ITK: variants seen among roughly 807,000 people sequenced by gnomAD.
ITK encodes the protein IL2 inducible T cell kinase.
In ITK, 45 loss-of-function variants were observed where a neutral mutation model predicts 87.6. The observed-to-expected ratio is 0.51, with a 90% confidence interval of 0.40 to 0.66. The LOEUF is 0.66. Among genes scored for constraint, ITK ranks in the 30% least tolerant of loss-of-function variants. The pLI is 0.00. For synonymous variants in ITK, 303 were observed against 273.6 expected (o/e 1.11, Z -1.06); for missense variants, 605 against 766.3 (o/e 0.79, Z 2.48).
At chr5:157,198,484 C>G (rs1188026578) in intron 1 of ITK, among the ~76,000 whole-genome samples, 1 of 152,080 alleles carries the variant, frequency 6.6e-6, no homozygotes, top group Non-Finnish European at 1.5e-5. Context: ...AGCCAGCCAA[C>G]GGTGGGCCAG....
chr5:157,232,300 T>C, intron 7 of ITK, 40 bp from the exon 8 acceptor site: 1 of 1,383,374 alleles, frequency 7.2e-7, no homozygotes, highest in Non-Finnish European at 1.0e-6. Context: ...AATGAAACTT[T>C]AAAATATGTC....
chr5:157,197,932 A>T (rs1283903787), intron 1 of ITK, among the ~76,000 whole-genome samples: 4 of 152,180 alleles, frequency 2.6e-5, no homozygotes, highest in African/African-American at 7.2e-5. Flanking sequence ...GATCAGGGAA[A>T]TGTATTTATT....
chr5:157,205,789 G>C (rs1275011640), intron 1 of ITK, among the ~76,000 whole-genome samples: 3 of 152,034 alleles, frequency 2.0e-5, no homozygotes, highest in South Asian at 2.1e-4. Flanking sequence ...TTAATATCTA[G>C]TTTATTGATA....
rs1371196988 is a variant in ITK, at chr5:157,247,820, G to A, written c.1634-1030G>A. On this transcript the variant is annotated intron_variant, in intron 15 of 16. Coordinates refer to ENST00000422843, the MANE Select transcript of ITK (RefSeq NM_005546.4). ...GCCCTAATTAGCAGTGTGCTATTCA[G>A]AACAAGTCAACCTCTTTGTACTTTG... 2.0e-5 allele frequency among the ~76,000 whole-genome samples: 3 copies of A among 152,200 alleles called. No homozygotes were observed. In the East Asian group the frequency reaches 5.8e-4, roughly 29 times the overall value.
In ITK at chr5:157,252,627, C is replaced by G. The variant is rs769558375; in HGVS notation, c.1812C>G (p.Ala604=). The G allele has an allele frequency of 6.2e-7, 1 of 1,614,098 alleles. No individual in the cohort carries two copies. Among genetic ancestry groups the G allele is most frequent in the East Asian group, 2.2e-5 (1 of 44,886 alleles). The change falls in exon 17 of 17, where the codon GCC becomes GCG. Residue 604 remains alanine (A), a synonymous_variant. Coordinates refer to ENST00000422843, the MANE Select transcript of ITK (RefSeq NM_005546.4). Reference sequence around the variant, plus strand: ...TCCAGAGACCAGAAGATCGGCCAGCCTTCTCCAGACTGCTGCGTCAACTGG... The same window carrying G: ...TCCAGAGACCAGAAGATCGGCCAGCGTTCTCCAGACTGCTGCGTCAACTGG... ...CWKERPEDRP[A]FSRLLRQLAE... is the part of the protein sequence containing the mutation.
intron 16 of ITK, 46 bp downstream of exon 16, chr5:157,249,053 A>C: frequency 6.5e-7 from 1 of 1,545,820 alleles, no homozygotes; most frequent in East Asian, 2.2e-5. Context: ...ATACAATTTG[A>C]GGACCTCCCT....
rs1227714166 is a variant in ITK, at chr5:157,241,659, A to T, written c.999A>T (p.Arg333=). 6.2e-7 allele frequency: 1 copy of T among 1,613,832 alleles called. No individual in the cohort carries two copies. The highest frequency in any genetic ancestry group is 8.5e-7 in the Non-Finnish European group (1 of 1,179,850). ...HQHNGGGLVT[R]LRYPVCFGRQ... ...CAATCAACCCAGGCCTGGTGACTCG[A>T]CTCCGGTATCCAGTTTGTTTTGGGA... The change falls in exon 11 of 17, where the codon CGA becomes CGT. Residue 333 remains arginine, a synonymous_variant. Transcript: ENST00000422843.
At chr5:157,248,828 C>T (rs1403634465) in intron 15 of ITK, 22 bp from the exon 16 acceptor site, 4 of 1,613,692 alleles carry the variant, frequency 2.5e-6, no homozygotes, top group Non-Finnish European at 3.4e-6. Context: ...ATTCACTGTG[C>T]TGTGCTCACC....
At chr5:157,232,600 AGGGAGGGAGGG>A (rs1481105952) in intron 8 of ITK, among the ~76,000 whole-genome samples, 3 of 58,218 alleles carry the variant, frequency 5.2e-5, no homozygotes, top group African/African-American at 2.9e-4. Flanking sequence ...AGAGGAAGGG[AGGGAGGGAGGG>A]AGGGAAGAAA....
chr5:157,199,940 T>A (rs1476872492), intron 1 of ITK, among the ~76,000 whole-genome samples: 1 of 152,198 alleles, frequency 6.6e-6, no homozygotes, highest in Non-Finnish European at 1.5e-5. Context: ...GGAAACCTGA[T>A]GCTGACCCAT....
chr5:157,220,677 A>G (rs953444736), intron 5 of ITK, among the ~76,000 whole-genome samples: 3 of 152,174 alleles, frequency 2.0e-5, no homozygotes, highest in African/African-American at 7.2e-5. Context: ...CCACAGACTC[A>G]GTTTCTCCAA....
At position 157,243,510 on chromosome 5, in the gene ITK, A is replaced by T. The variant is rs570289691; in HGVS notation, c.1061-113A>T. On this transcript the variant is annotated intron_variant, in intron 11 of 16. Coordinates refer to ENST00000422843, the MANE Select transcript of ITK (RefSeq NM_005546.4). ...AAAGATAATTTATTTGCCATCTTTG[A>T]ATTATATTAACAATAGGCTAAAATT... 2.4e-5 allele frequency: 21 copies of T among 864,528 alleles called. No individual in the cohort carries two copies. The East Asian group carries it at 4.8e-4, about 20-fold the overall frequency. 53.6% of individuals were successfully genotyped at this position (864,528 alleles called of 1,614,324 possible).
intron 2 of ITK, among the ~76,000 whole-genome samples, chr5:157,210,882 A>C (rs1754177841): frequency 6.6e-6 from 1 of 151,898 alleles, no homozygotes; most frequent in African/African-American, 2.4e-5. Context: ...ACTTCTTGTG[A>C]GTCTTAAACT....
chr5:157,231,919 C>A (rs1352600257), intron 7 of ITK, among the ~76,000 whole-genome samples: 4 of 152,188 alleles, frequency 2.6e-5, no homozygotes, highest in Non-Finnish European at 5.9e-5. Flanking sequence ...CTAGCACCCT[C>A]CTCCTTATAA....
intron 1 of ITK, among the ~76,000 whole-genome samples, chr5:157,201,423 G>A (rs964543831): frequency 6.7e-5 from 10 of 149,520 alleles, no homozygotes; most frequent in East Asian, 6.0e-4. Flanking sequence ...TCAGCCTCCC[G>A]AGCAGCTGGG....
intron 6 of ITK, among the ~76,000 whole-genome samples, chr5:157,224,922 A>G (rs574398009): frequency 6.6e-5 from 10 of 151,842 alleles, no homozygotes; most frequent in Non-Finnish European, 1.3e-4. Flanking sequence ...TTTAATGAAG[A>G]TCTTGTATTC....
chr5:157,239,120 C>A (rs1474396235), intron 9 of ITK, among the ~76,000 whole-genome samples: 1 of 152,006 alleles, frequency 6.6e-6, no homozygotes, highest in Non-Finnish European at 1.5e-5. Flanking sequence ...ACAGGTATGA[C>A]GGAGAAGGGA....
intron 7 of ITK, among the ~76,000 whole-genome samples, chr5:157,228,800 A>T (rs1372973907): frequency 6.6e-6 from 1 of 152,038 alleles, no homozygotes; most frequent in African/African-American, 2.4e-5. Context: ...GCTAATTTGT[A>T]AATTTTTTGT....
intron 6 of ITK, among the ~76,000 whole-genome samples, chr5:157,224,779 T>A (rs990686577): frequency 6.6e-6 from 1 of 152,122 alleles, no homozygotes; most frequent in Admixed American, 6.5e-5. Context: ...AGAATCCATC[T>A]CAAAAATAAT....
Sources: allele counts gnomAD v4.1 joint callset (sites outside exome capture counted in the v4.1 genomes callset), GRCh38; gene constraint gnomAD v4.1.1; transcripts MANE v1.5; gene names NCBI Gene and HGNC (gene_info 2026-07-23, HGNC 2026-07-21).